Variants in GRID2 observed in about 807,000 individuals in gnomAD.
GRID2 encodes the protein glutamate receptor ionotropic, delta-2.
Under a neutral mutation model 114.8 loss-of-function variants are expected in GRID2, and 33 were observed. That is an observed-to-expected ratio of 0.29 (90% confidence interval 0.22 to 0.38). The LOEUF is 0.38. GRID2 is among the 10% of genes least tolerant of loss of function. The pLI, the probability that GRID2 is intolerant of heterozygous loss-of-function variation, is 1.00. For missense variants in GRID2, 1,184 were observed against 1,257.7 expected, an observed-to-expected ratio of 0.94 and a Z score of 0.89; for synonymous variants, 505 against 449.9, an observed-to-expected ratio of 1.12 and a Z score of -1.55.
At chr4:93,484,386 C>T (rs1726173571) in intron 11 of GRID2, among the ~76,000 whole-genome samples, 1 of 151,672 alleles carries the variant, frequency 6.6e-6, no homozygotes, top group African/African-American at 2.4e-5. Context: ...TTCATAAAAC[C>T]CATTAATGGT....
intron 2 of GRID2, among the ~76,000 whole-genome samples, chr4:92,862,905 TC>T (rs753571170): frequency 6.6e-6 from 1 of 152,080 alleles, no homozygotes; most frequent in Non-Finnish European, 1.5e-5. Flanking sequence ...AGCTGCAGAC[TC>T]CTGGCACTTG....
intron 2 of GRID2, among the ~76,000 whole-genome samples, chr4:92,956,033 A>G (rs1752384350): frequency 6.6e-6 from 1 of 152,178 alleles, no homozygotes; most frequent in South Asian, 2.1e-4. Context: ...TGGAGCTCTT[A>G]AAAAATAAAC....
At position 92,304,713 on chromosome 4, in the gene GRID2, C is replaced by A; in HGVS notation, c.57C>A (p.Asp19Glu). ...CCGTCTGGTGGTCTCGAACCTGGGA[C>A]TCGGCGAATGCGGATTCGATCATTC... ...VLSVWWSRTW[D>E]SANADSIIHI... Residue 19 changes from aspartate to glutamate, a missense_variant, in exon 1 of 16, where the codon GAC becomes GAA. By Grantham distance (45) the Asp-to-Glu change is conservative. Transcript: ENST00000282020. 5 of 1,613,332 alleles carry A rather than the reference C, an allele frequency of 3.1e-6. No homozygotes were observed. Among genetic ancestry groups the A allele is most frequent in the Non-Finnish European group, 4.2e-6 (5 of 1,179,326 alleles).
intron 10 of GRID2, among the ~76,000 whole-genome samples, chr4:93,451,406 G>A (rs555562108): frequency 3.3e-5 from 5 of 152,064 alleles, no homozygotes; most frequent in Non-Finnish European, 7.4e-5. Flanking sequence ...TGAAGTTTCA[G>A]GAGGGTCAAT....
chr4:93,572,996 C>T (rs932668131), intron 13 of GRID2, among the ~76,000 whole-genome samples: 1 of 152,118 alleles, frequency 6.6e-6, no homozygotes, highest in Non-Finnish European at 1.5e-5. Context: ...GTAAGCTCCA[C>T]CAGGGCCCAG....
rs542282627 is a variant in GRID2, at chr4:93,731,218, G to A, written c.2361-37992G>A. On this transcript the variant is annotated intron_variant, in intron 14 of 15. Coordinates refer to ENST00000282020, the MANE Select transcript of GRID2 (RefSeq NM_001510.4). ...CCCACAGGAGCAGGTTGAGGCGCAG[G>A]GGCACCACTGAGACTAAGAGAACAG... 1.2e-3 allele frequency among the ~76,000 whole-genome samples: 176 copies of A among 152,234 alleles called. 1 individual carries two copies. The highest frequency in any genetic ancestry group is 4.9e-4 in the Non-Finnish European group (33 of 68,006).
At chr4:93,281,753 C>T (rs1752672183) in intron 8 of GRID2, among the ~76,000 whole-genome samples, 1 of 151,976 alleles carries the variant, frequency 6.6e-6, no homozygotes, top group Non-Finnish European at 1.5e-5. Context: ...CCTCATTCTA[C>T]ATTCTCAAAA....
At chr4:93,707,394 T>C (rs1337846676) in intron 14 of GRID2, among the ~76,000 whole-genome samples, 1 of 152,132 alleles carries the variant, frequency 6.6e-6, no homozygotes, top group South Asian at 2.1e-4. Context: ...TATTGATCTA[T>C]TCAGGTTTTG....
chr4:92,667,478 T>C (rs1200884123), intron 2 of GRID2, among the ~76,000 whole-genome samples: 3 of 150,264 alleles, frequency 2.0e-5, no homozygotes, highest in Non-Finnish European at 4.5e-5. Flanking sequence ...ATACACATTA[T>C]TTTTAATTTA....
intron 14 of GRID2, among the ~76,000 whole-genome samples, chr4:93,731,501 C>T (rs186194902): frequency 3.3e-5 from 5 of 152,134 alleles, no homozygotes; most frequent in Admixed American, 3.3e-4. Flanking sequence ...AGGAATTTGT[C>T]CCCTGAATGC....
intron 2 of GRID2, among the ~76,000 whole-genome samples, chr4:92,944,263 C>T (rs1185785792): frequency 6.6e-6 from 1 of 152,226 alleles, no homozygotes; most frequent in Non-Finnish European, 1.5e-5. Flanking sequence ...CTACTCAAGC[C>T]TGGGCAATTG....
chr4:92,707,703 G>A (rs905717465), intron 2 of GRID2, among the ~76,000 whole-genome samples: 1 of 152,154 alleles, frequency 6.6e-6, no homozygotes, highest in Non-Finnish European at 1.5e-5. Flanking sequence ...AAAATATTGT[G>A]CGAAAATAAC....
chr4:93,608,312 T>TTTTC (rs1740526034), intron 13 of GRID2, among the ~76,000 whole-genome samples: 2 of 117,466 alleles, frequency 1.7e-5, no homozygotes, highest in African/African-American at 7.1e-5. Flanking sequence ...TTTTTTTTAA[T>TTTTC]TTTTTTTTTT....
At chr4:93,538,350 A>G (rs975724778) in intron 13 of GRID2, among the ~76,000 whole-genome samples, 5 of 151,834 alleles carry the variant, frequency 3.3e-5, no homozygotes, top group Non-Finnish European at 7.4e-5. Flanking sequence ...ATATTGGATT[A>G]CAACCCAAAC....
At chr4:92,672,136 T>G (rs1733104163) in intron 2 of GRID2, among the ~76,000 whole-genome samples, 1 of 152,190 alleles carries the variant, frequency 6.6e-6, no homozygotes, top group African/African-American at 2.4e-5. Flanking sequence ...CATATTCAAA[T>G]GAGAGAGAAT....
chr4:93,645,238 G>A (rs1307377363), intron 14 of GRID2, among the ~76,000 whole-genome samples: 4 of 152,154 alleles, frequency 2.6e-5, no homozygotes, highest in African/African-American at 7.2e-5. Flanking sequence ...TAGCCTCACC[G>A]GCTGAGAGAT....
chr4:93,610,797 C>A (rs559927630), intron 13 of GRID2, among the ~76,000 whole-genome samples: 4 of 95,242 alleles, frequency 4.2e-5, no homozygotes, highest in Admixed American at 2.1e-4. Context: ...TGTCTCTGCC[C>A]GGCTTTGGTA....
chr4:92,930,183 C>T (rs1750117560), intron 2 of GRID2, among the ~76,000 whole-genome samples: 1 of 151,334 alleles, frequency 6.6e-6, no homozygotes, highest in African/African-American at 2.4e-5. Context: ...GTAGGATTCA[C>T]ACCCGGATCT....
intron 13 of GRID2, among the ~76,000 whole-genome samples, chr4:93,618,765 C>T (rs566899654): frequency 6.6e-6 from 1 of 152,310 alleles, no homozygotes; most frequent in African/African-American, 2.4e-5. Flanking sequence ...CGCAGACACA[C>T]CCAGCCTGAA....
Sources: gnomAD v4.1 joint callset for allele counts (sites outside exome capture counted in the v4.1 genomes callset) on GRCh38, gnomAD v4.1.1 for gene constraint, MANE v1.5 for transcripts, NCBI Gene and HGNC (gene_info 2026-07-23, HGNC 2026-07-21) for gene names.